The following ITGA4 variants were observed in gnomAD, a reference collection of about 807,000 sequenced individuals.
ITGA4 encodes the protein integrin alpha-4.
ITGA4 carries 63 observed loss-of-function variants against 133.6 expected under a neutral mutation model. That is an observed-to-expected ratio of 0.47 (90% CI 0.38 to 0.58). The LOEUF (loss-of-function observed/expected upper bound fraction) is 0.58. Ranked by LOEUF, ITGA4 falls within the 20% of genes least tolerant of loss-of-function variation. The pLI is 0.00. For missense variants in ITGA4, 1,076 were observed against 1,252.7 expected, an observed-to-expected ratio of 0.86 and a Z score of 2.13; for synonymous variants, 483 against 438.0, an observed-to-expected ratio of 1.10 and a Z score of -1.28.
Position 181,491,915 on chromosome 2 carries a change from T to TGGG in ITGA4, c.1154-1409_1154-1408insGGG, listed in dbSNP as rs567321246. 7.2e-5 allele frequency among the ~76,000 whole-genome samples: 11 copies of TGGG among 152,382 alleles called. No individual in the cohort carries two copies. In the East Asian group the frequency reaches 1.5e-3, roughly 21 times the overall value. The stretch of plus-strand genomic sequence containing the variant: ...CCCTGCCCTTGCACAGGCATTTCCC[T>TGGG]GCCTCTAAATTGCATTTCCCCTTTT... On this transcript the variant is annotated intron_variant, in intron 10 of 27. Transcript: ENST00000397033.
chr2:181,475,882 A>G (rs1489443689), intron 4 of ITGA4: 1 of 1,593,386 alleles, frequency 6.3e-7, no homozygotes, highest in Non-Finnish European at 8.5e-7. Context: ...GTGAATGTCA[A>G]CAGAGCATGT....
chr2:181,509,836 T>G, intron 16 of ITGA4, 29 bp downstream of exon 16: 1 of 1,522,342 alleles, frequency 6.6e-7, no homozygotes, highest in South Asian at 1.2e-5. Flanking sequence ...ATTCAAATTA[T>G]TGTATGGCAT....
In ITGA4 at chr2:181,457,640, C is replaced by T. The variant is rs1685156756; in HGVS notation, c.-15C>T. The T allele has an allele frequency of 3.1e-6, 5 of 1,603,842 alleles. No homozygotes were observed. Among genetic ancestry groups the T allele is most frequent in the African/African-American group, 2.7e-5 (2 of 74,148 alleles). Reference sequence around the variant, plus strand: ...TAGTGGCCGTTTAGTGTTGAATGTTCCCCACCGAGAGCGCATGGCTTGGGA... The same window carrying T: ...TAGTGGCCGTTTAGTGTTGAATGTTTCCCACCGAGAGCGCATGGCTTGGGA... On this transcript the variant is annotated 5_prime_UTR_variant, in exon 1 of 28. Coordinates refer to ENST00000397033, the MANE Select transcript of ITGA4 (RefSeq NM_000885.6).
chr2:181,479,117 G>A (rs1007077058), intron 5 of ITGA4: 1 of 209,460 alleles, frequency 4.8e-6, no homozygotes, highest in African/African-American at 2.3e-5. Flanking sequence ...TAATTGTCTT[G>A]TTAACTTAGG....
Position 181,516,391 on chromosome 2 carries a change from G to A in ITGA4, c.1922+4616G>A, listed in dbSNP as rs377407225. On this transcript the variant is annotated intron_variant, in intron 17 of 27. Coordinates refer to ENST00000397033, the MANE Select transcript of ITGA4 (RefSeq NM_000885.6). The surrounding 1 kb of genome is among the most constrained non-coding windows in gnomAD (Gnocchi z 4.0). ...AGGATGTTCACAGGTTTGGTGAACAGCTACCAAAGACTAGACATTGATGGT... is the reference window on the plus strand; with the variant it reads ...AGGATGTTCACAGGTTTGGTGAACAACTACCAAAGACTAGACATTGATGGT... 9.5e-4 allele frequency among the ~76,000 whole-genome samples: 144 copies of A among 152,178 alleles called. 1 individual carries two copies. The highest frequency in any genetic ancestry group is 6.8e-3 in the Middle Eastern group (2 of 294).
Position 181,475,280 on chromosome 2 carries a change from G to A in ITGA4, c.548G>A (p.Cys183Tyr). ...GAACTGAGTAAAAGAATAGCTCCGT[G>A]TTATCAAGGTAAGGCATGATTTTGA... ...RTELSKRIAPCYQDYVKKFGE... is the reference protein window; with the variant it reads ...RTELSKRIAPYYQDYVKKFGE... The change falls in exon 4 of 28, where the codon TGT (cysteine) becomes TAT (tyrosine). Residue 183 changes from cysteine to tyrosine, a missense_variant. This residue lies in a region of ITGA4 where 436 missense variants were observed against 590.7 expected (regional missense o/e 0.74). Coordinates refer to ENST00000397033, the MANE Select transcript of ITGA4 (RefSeq NM_000885.6). The A allele has an allele frequency of 6.2e-7, 1 of 1,612,156 alleles. No homozygotes were observed. Among genetic ancestry groups the A allele is most frequent in the Non-Finnish European group, 8.5e-7 (1 of 1,178,552 alleles).
chr2:181,506,580 T>C (rs964971917), intron 15 of ITGA4, among the ~76,000 whole-genome samples: 2 of 152,086 alleles, frequency 1.3e-5, no homozygotes, highest in African/African-American at 4.8e-5. Flanking sequence ...GAAAAAAGAT[T>C]ACATCCTTTC....
chr2:181,492,023 C>T (rs1278514908), intron 10 of ITGA4, among the ~76,000 whole-genome samples: 7 of 152,246 alleles, frequency 4.6e-5, no homozygotes, highest in African/African-American at 1.7e-4. Context: ...ATTTCCACCA[C>T]TTCCTCCTCA....
At position 181,538,451 on chromosome 2, in the gene ITGA4, T is replaced by TGATTGTCCAATGCTCTCCA. The variant is rs1367974778; in HGVS notation, c.*2925_*2943dup. On this transcript the variant is annotated 3_prime_UTR_variant, in exon 28 of 28. Coordinates refer to ENST00000397033, the MANE Select transcript of ITGA4 (RefSeq NM_000885.6). ...CTAAAACCTCCTTAACTGACTTCCT[T>TGATTGTCCAATGCTCTCCA]GATTGTCCAATGCTCTCCATTACCT... 2.0e-5 allele frequency among the ~76,000 whole-genome samples: 3 copies of TGATTGTCCAATGCTCTCCA among 152,102 alleles called. No homozygotes were observed. The highest frequency in any genetic ancestry group is 6.6e-5 in the Admixed American group (1 of 15,238).
chr2:181,495,668 CATA>C lies in ITGA4; in HGVS notation c.1386-110_1386-108del. On this transcript the variant is annotated intron_variant, in intron 13 of 27. Transcript: ENST00000397033. This position sits in a 1 kb window ranked among gnomAD's most constrained non-coding sequence, Gnocchi z 4.3. ...CAGAAATGTAATTAGTATGTACACA[CATA>C]ATAAGACTCATGAAATTACTTGGTG... The C allele has an allele frequency of 3.5e-6, 3 of 866,910 alleles. No individual in the cohort carries two copies. Among genetic ancestry groups the C allele is most frequent in the Non-Finnish European group, 5.4e-6 (3 of 556,142 alleles). 53.7% of individuals were successfully genotyped at this position (866,910 alleles called of 1,614,324 possible). A position where few individuals can be genotyped will look rare whatever the true frequency, so the allele number is the denominator to read the frequency against.
chr2:181,511,638 A>G, intron 16 of ITGA4, 61 bp from the exon 17 acceptor site: 1 of 862,508 alleles, frequency 1.2e-6, no homozygotes, highest in South Asian at 1.6e-5. Context: ...CATCTTTAAA[A>G]TATATATAAA....
intron 17 of ITGA4, among the ~76,000 whole-genome samples, chr2:181,520,728 C>T (rs1265187507): frequency 2.0e-5 from 3 of 152,038 alleles, no homozygotes; most frequent in African/African-American, 7.2e-5. Flanking sequence ...AACACTTGCC[C>T]GTTTGTGTAT....
chr2:181,492,343 A>G (rs1686066613), intron 10 of ITGA4, among the ~76,000 whole-genome samples: 1 of 152,226 alleles, frequency 6.6e-6, no homozygotes, highest in Non-Finnish European at 1.5e-5. Context: ...TTTAGCATGG[A>G]GTTATATATC....
intron 16 of ITGA4, among the ~76,000 whole-genome samples, chr2:181,510,044 G>A (rs192525329): frequency 6.6e-6 from 1 of 152,020 alleles, no homozygotes; most frequent in African/African-American, 2.4e-5. Context: ...AAATGCTGAT[G>A]TTCTATTTTT....
chr2:181,498,554 A>G, intron 14 of ITGA4, 69 bp from the exon 15 acceptor site: 2 of 960,372 alleles, frequency 2.1e-6, no homozygotes, highest in Non-Finnish European at 3.1e-6. Context: ...TTTAACTATT[A>G]TCACTTCAAA....
rs748653230 is a variant in ITGA4 at position 181,482,706 on chromosome 2, A to C, written c.1041+55A>C. ...TTTATGGAATTATGATCAAAACTCA[A>C]ATTGGTCTTATTCCAGAGATCTGAG... On this transcript the variant is annotated intron_variant, in intron 9 of 27. Coordinates refer to ENST00000397033, the MANE Select transcript of ITGA4 (RefSeq NM_000885.6). 84 of 1,534,874 alleles carry C rather than the reference A, an allele frequency of 5.5e-5. No individual in the cohort carries two copies. In the Admixed American group the frequency reaches 5.9e-4, roughly 11 times the overall value.
chr2:181,536,699 AGTTT>A lies in ITGA4; in HGVS notation c.*1176_*1179del, dbSNP rs1433979706. 5.7e-6 allele frequency: 1 copy of A among 176,772 alleles called. No homozygotes were observed. Among genetic ancestry groups the A allele is most frequent in the African/African-American group, 2.4e-5 (1 of 41,696 alleles). 11.0% of individuals were successfully genotyped at this position (176,772 alleles called of 1,614,324 possible). A position where few individuals can be genotyped will look rare whatever the true frequency, so the allele number is the denominator to read the frequency against. On this transcript the variant is annotated 3_prime_UTR_variant, in exon 28 of 28. Coordinates refer to ENST00000397033, the MANE Select transcript of ITGA4 (RefSeq NM_000885.6). ...TTCATGAAATGTAAAATATTTTTAT[AGTTT>A]GTTCATACTATATGAGGTTCTATTT... is the stretch of plus-strand genomic sequence containing the variant.
chr2:181,458,567 ATGATACCTTC>A (rs1685191340), intron 2 of ITGA4: 2 of 499,168 alleles, frequency 4.0e-6, no homozygotes. Flanking sequence ...GAAATTTCTT[ATGATACCTTC>A]TCTTCATCTC....
At position 181,482,583 on chromosome 2, in the gene ITGA4, G is replaced by A. The variant is rs200311535; in HGVS notation, c.973G>A (p.Val325Met). ...TGCAGATGGCTTCTCAGATCTGCTC[G>A]TGGGAGCACCCATGCAGAGCACCAT... is the stretch of plus-strand genomic sequence containing the variant. ...LNADGFSDLL[V>M]GAPMQSTIRE... is the part of the protein sequence containing the mutation. Residue 325 changes from valine (V) to methionine (M), a missense_variant, in exon 9 of 28, where the codon GTG (valine) becomes ATG (methionine). Around this residue, in one of 4 missense-constraint regions of ITGA4, gnomAD observed 436 missense variants for 590.7 expected, o/e 0.74. Coordinates refer to ENST00000397033, the MANE Select transcript of ITGA4 (RefSeq NM_000885.6). The A allele has an allele frequency of 1.9e-6, 3 of 1,613,700 alleles. No homozygotes were observed. Among genetic ancestry groups the A allele is most frequent in the Non-Finnish European group, 2.5e-6 (3 of 1,179,710 alleles).
Sources: gnomAD v4.1 joint callset for allele counts (sites outside exome capture counted in the v4.1 genomes callset) on GRCh38, gnomAD v4.1.1 for gene constraint, gnomAD v4.1.1 regional missense constraint, Gnocchi (gnomAD v3.1) non-coding constraint, MANE v1.5 for transcripts, NCBI Gene and HGNC (gene_info 2026-07-23, HGNC 2026-07-21) for gene names.